Variants in RYR3 observed in about 807,000 individuals in gnomAD.
The protein encoded by RYR3 is ryanodine receptor 3.
Under a neutral mutation model 584.3 loss-of-function variants are expected in RYR3, and 207 were observed. That is an observed-to-expected ratio of 0.35 (90% CI 0.32 to 0.40). The LOEUF is 0.40. Among genes scored for constraint, RYR3 ranks in the 10% least tolerant of loss-of-function variants. The probability of loss-of-function intolerance (pLI) is 1.00; values close to 1 mark genes in which losing one functional copy is unlikely to be tolerated. For synonymous variants in RYR3, 2,416 were observed against 2,248.5 expected, an observed-to-expected ratio of 1.07 and a Z score of -2.11; for missense variants, 5,616 against 6,089.2, an observed-to-expected ratio of 0.92 and a Z score of 2.59.
chr15:33,554,507 A>G (rs1475150888), intron 10 of RYR3, among the ~76,000 whole-genome samples: 1 of 152,092 alleles, frequency 6.6e-6, no homozygotes, highest in Non-Finnish European at 1.5e-5. Flanking sequence ...TATGTTAGCC[A>G]GGACGGTCTC....
chr15:33,714,679 C>T (rs903111332), intron 43 of RYR3, among the ~76,000 whole-genome samples: 1 of 152,240 alleles, frequency 6.6e-6, no homozygotes, highest in Non-Finnish European at 1.5e-5. Context: ...CCCCAGACTA[C>T]AAACTTAGTT....
At chr15:33,312,380 G>C (rs1054883815) in intron 1 of RYR3, among the ~76,000 whole-genome samples, 1 of 152,056 alleles carries the variant, frequency 6.6e-6, no homozygotes, top group African/African-American at 2.4e-5. Flanking sequence ...TCTTATTTGG[G>C]GGGGGTATGG....
chr15:33,520,388 T>C (rs1469010731), intron 3 of RYR3, among the ~76,000 whole-genome samples: 1 of 152,212 alleles, frequency 6.6e-6, no homozygotes, highest in Non-Finnish European at 1.5e-5. Context: ...TGGAAATAAT[T>C]GGGCAGAGCT....
At chr15:33,530,813 A>G (rs760103139) in intron 4 of RYR3, 147 bp downstream of exon 4, 3 of 649,084 alleles carry the variant, frequency 4.6e-6, no homozygotes, top group South Asian at 3.7e-5. Flanking sequence ...GGCATTTCCT[A>G]CATATGACCT....
intron 1 of RYR3, among the ~76,000 whole-genome samples, chr15:33,437,117 AGTGTGTGTGTGTGTGTGTGTGT>A (rs71415518): frequency 2.0e-5 from 3 of 149,458 alleles, no homozygotes; most frequent in East Asian, 2.0e-4. Flanking sequence ...AGAGAGATAG[AGTGTGTGTGTGTGTGTGTGTGT>A]GTGTGTGTGT....
chr15:33,458,174 AAG>A (rs1216380159), intron 1 of RYR3, among the ~76,000 whole-genome samples: 2 of 152,094 alleles, frequency 1.3e-5, no homozygotes, highest in Non-Finnish European at 1.5e-5. Flanking sequence ...GTAAAGTAAG[AAG>A]AGTGGTTGCC....
intron 67 of RYR3, among the ~76,000 whole-genome samples, chr15:33,798,174 C>T (rs553166911): frequency 7.2e-5 from 11 of 152,132 alleles, no homozygotes; most frequent in Admixed American, 4.6e-4. Flanking sequence ...CTGCAACCTC[C>T]GCCTCCCAGG....
chr15:33,670,623 A>T (rs2063788162), intron 38 of RYR3, 67 bp downstream of exon 38: 2 of 1,458,016 alleles, frequency 1.4e-6, no homozygotes, highest in Non-Finnish European at 1.8e-6. Flanking sequence ...CTTTTTTTAA[A>T]CAAATACTGT....
At chr15:33,337,089 A>G (rs1311520306) in intron 1 of RYR3, among the ~76,000 whole-genome samples, 1 of 134,906 alleles carries the variant, frequency 7.4e-6, no homozygotes, top group Non-Finnish European at 1.7e-5. Flanking sequence ...AAAAGTTTAT[A>G]AAACTCTGAG....
At chr15:33,517,475 A>G (rs1005222935) in intron 3 of RYR3, among the ~76,000 whole-genome samples, 2 of 152,180 alleles carry the variant, frequency 1.3e-5, no homozygotes, top group African/African-American at 4.8e-5. Context: ...CATGTCACCA[A>G]TTCCTGTTTT....
chr15:33,546,090 GAGAACA>G (rs1482930903), intron 8 of RYR3, among the ~76,000 whole-genome samples: 1 of 152,170 alleles, frequency 6.6e-6, no homozygotes, highest in African/African-American at 2.4e-5. Flanking sequence ...AATTGTTTTA[GAGAACA>G]AGAACAAGTT....
chr15:33,859,802 C>G (rs1189074828), intron 100 of RYR3, 71 bp downstream of exon 100: 1 of 1,457,642 alleles, frequency 6.9e-7, no homozygotes, highest in Non-Finnish European at 9.3e-7. Flanking sequence ...CCATCTATGA[C>G]TTAATTGGTT....
At chr15:33,523,296 T>G (rs1595434365) in intron 3 of RYR3, among the ~76,000 whole-genome samples, 1 of 152,146 alleles carries the variant, frequency 6.6e-6, no homozygotes, top group Admixed American at 6.5e-5. Flanking sequence ...CAGTGGAAGC[T>G]TTGGTCTTTT....
intron 51 of RYR3, among the ~76,000 whole-genome samples, chr15:33,740,797 T>C (rs1335640541): frequency 6.6e-6 from 1 of 152,256 alleles, no homozygotes; most frequent in African/African-American, 2.4e-5. Flanking sequence ...AATGAAAGCC[T>C]GAACCCTTCC....
At chr15:33,551,197 G>A (rs1470031124) in intron 10 of RYR3, among the ~76,000 whole-genome samples, 1 of 152,190 alleles carries the variant, frequency 6.6e-6, no homozygotes, top group Non-Finnish European at 1.5e-5. Context: ...AGCATGAGAA[G>A]GGCTCTGCAC....
chr15:33,641,623 T>C (rs2061829917), intron 27 of RYR3, among the ~76,000 whole-genome samples: 1 of 152,178 alleles, frequency 6.6e-6, no homozygotes, highest in Admixed American at 6.5e-5. Flanking sequence ...TGAGAATTAA[T>C]CTTTCCTCTC....
chr15:33,709,070 A>G (rs920098894), intron 43 of RYR3, among the ~76,000 whole-genome samples: 4 of 147,420 alleles, frequency 2.7e-5, no homozygotes, highest in Non-Finnish European at 5.9e-5. Context: ...GTTTGAAAGT[A>G]GAAGGCAAAG....
chr15:33,434,848 C>T (rs956647162), intron 1 of RYR3, among the ~76,000 whole-genome samples: 16 of 152,274 alleles, frequency 1.1e-4, no homozygotes, highest in South Asian at 6.2e-4. Context: ...GACAGAGTCT[C>T]GCTCTGTCTC....
At chr15:33,611,497 A>G (rs1039694543) in intron 18 of RYR3, among the ~76,000 whole-genome samples, 5 of 151,730 alleles carry the variant, frequency 3.3e-5, no homozygotes, top group Non-Finnish European at 7.4e-5. Context: ...TGGAGCTTGC[A>G]TTGAGCCCAG....
Sources: gnomAD v4.1 joint callset for allele counts (sites outside exome capture counted in the v4.1 genomes callset) on GRCh38, gnomAD v4.1.1 for gene constraint, MANE v1.5 for transcripts, NCBI Gene and HGNC (gene_info 2026-07-23, HGNC 2026-07-21) for gene names.